WDPCP: variants seen among roughly 807,000 people sequenced by gnomAD.
WDPCP encodes WD repeat containing planar cell polarity effector.
In WDPCP, 71 loss-of-function variants were observed where a neutral mutation model predicts 93.1. The observed-to-expected ratio is 0.76, with a 90% confidence interval of 0.63 to 0.93. The LOEUF is 0.93. Among genes scored for constraint, WDPCP ranks in the 40% least tolerant of loss-of-function variants. The probability of loss-of-function intolerance (pLI) is 0.00; values close to 1 mark genes in which losing one functional copy is unlikely to be tolerated. For missense variants in WDPCP, 844 were observed against 887.4 expected, an observed-to-expected ratio of 0.95 and a Z score of 0.62; for synonymous variants, 315 against 315.0, an observed-to-expected ratio of 1.00 and a Z score of 0.00.
intron 2 of WDPCP, among the ~76,000 whole-genome samples, chr2:63,663,331 C>T (rs1001682492): frequency 6.6e-6 from 1 of 152,174 alleles, no homozygotes; most frequent in African/African-American, 2.4e-5. Context: ...TTCAATATCT[C>T]TGGTTCACAC....
At chr2:63,215,604 A>G (rs1411218167) in intron 14 of WDPCP, among the ~76,000 whole-genome samples, 2 of 152,224 alleles carry the variant, frequency 1.3e-5, no homozygotes, top group South Asian at 2.1e-4. Flanking sequence ...AACCATAAAA[A>G]CCCTAGAAGA....
At chr2:63,448,726 T>C (rs1456596013) in intron 6 of WDPCP, among the ~76,000 whole-genome samples, 1 of 152,190 alleles carries the variant, frequency 6.6e-6, no homozygotes, top group Non-Finnish European at 1.5e-5. Context: ...TGGATGAACC[T>C]GTGGGACATT....
At chr2:63,470,682 A>G (rs1024867492) in intron 6 of WDPCP, among the ~76,000 whole-genome samples, 4 of 152,194 alleles carry the variant, frequency 2.6e-5, no homozygotes, top group Non-Finnish European at 5.9e-5. Context: ...AAATTGAAAC[A>G]TATTTCTCCA....
At chr2:63,431,146 T>C (rs937596499) in intron 9 of WDPCP, among the ~76,000 whole-genome samples, 18 of 100,374 alleles carry the variant, frequency 1.8e-4, no homozygotes, top group African/African-American at 7.6e-4. Context: ...GTAAAAAAGA[T>C]GGCTTAAAAA....
intron 12 of WDPCP, among the ~76,000 whole-genome samples, chr2:63,328,048 G>A (rs1483281523): frequency 1.3e-5 from 2 of 152,224 alleles, no homozygotes; most frequent in African/African-American, 4.8e-5. Flanking sequence ...TGTTTAGAGA[G>A]GGGATTGAGA....
At chr2:63,297,869 A>C (rs1339585692) in intron 13 of WDPCP, among the ~76,000 whole-genome samples, 1 of 152,188 alleles carries the variant, frequency 6.6e-6, no homozygotes, top group Non-Finnish European at 1.5e-5. Flanking sequence ...CATTTTGCAA[A>C]GTAATGTGTC....
rs12617739 is a variant in WDPCP, at chr2:63,634,333, T to C, written n.488+16326A>G. On this transcript the variant is annotated intron_variant and non_coding_transcript_variant, in intron 3 of 4. Coordinates refer to the WDPCP transcript ENST00000467687. ...TCAATTCATCAAGAGGATATAACAA[T>C]TGTAAATATGCACCCAGTATTGGAA... Among the ~76,000 whole-genome samples, 1,470 of 152,244 alleles carry C rather than the reference T, an allele frequency of 9.7e-3. 28 individuals are homozygous for C. Among genetic ancestry groups the C allele is most frequent in the Admixed American group, 0.039 (595 of 15,292 alleles).
At chr2:63,681,419 G>A (rs1008256692) in intron 2 of WDPCP, among the ~76,000 whole-genome samples, 9 of 152,150 alleles carry the variant, frequency 5.9e-5, no homozygotes, top group Non-Finnish European at 1.2e-4. Flanking sequence ...CTCCCCATGG[G>A]CCTATGGTGG....
At chr2:63,679,440 C>T (rs1403290412) in intron 2 of WDPCP, among the ~76,000 whole-genome samples, 2 of 152,122 alleles carry the variant, frequency 1.3e-5, no homozygotes, top group Non-Finnish European at 2.9e-5. Flanking sequence ...GTACTCTATG[C>T]TGACAGTGGA....
At chr2:63,300,836 C>A (rs977038108) in intron 13 of WDPCP, among the ~76,000 whole-genome samples, 3 of 152,140 alleles carry the variant, frequency 2.0e-5, no homozygotes, top group African/African-American at 7.2e-5. Context: ...CAGGTCTCTG[C>A]CCTTGGTCTG....
intron 1 of WDPCP, among the ~76,000 whole-genome samples, chr2:63,493,868 G>A (rs1701044235): frequency 6.6e-6 from 1 of 152,028 alleles, no homozygotes. Flanking sequence ...GGAAAGAAAT[G>A]TTCTTTCCAG....
chr2:63,676,243 G>C (rs747295458), intron 2 of WDPCP, among the ~76,000 whole-genome samples: 1 of 152,188 alleles, frequency 6.6e-6, no homozygotes. Flanking sequence ...CGGGCATTTC[G>C]TCTCCATTTC....
At chr2:63,609,917 A>G (rs139856937) in intron 3 of WDPCP, among the ~76,000 whole-genome samples, 2 of 152,336 alleles carry the variant, frequency 1.3e-5, no homozygotes, top group East Asian at 3.9e-4. Context: ...TGTATATATG[A>G]AAGTTATTGG....
chr2:63,260,298 G>A (rs991953619), intron 13 of WDPCP, among the ~76,000 whole-genome samples: 20 of 152,098 alleles, frequency 1.3e-4, no homozygotes, highest in African/African-American at 3.9e-4. Flanking sequence ...TTTGCTACGC[G>A]GAATGATTGT....
intron 15 of WDPCP, among the ~76,000 whole-genome samples, chr2:63,168,338 T>C (rs1325335420): frequency 6.6e-6 from 1 of 152,038 alleles, no homozygotes; most frequent in Non-Finnish European, 1.5e-5. Flanking sequence ...ATGGTTACTA[T>C]TGGTTTCTTA....
chr2:63,325,275 TA>T lies in WDPCP; in HGVS notation c.1749-11965del, dbSNP rs201692486. ...ATCAGTGTGGTTTACAAGGACACTT[TA>T]AAAAAGATTGCCCAATGAGAAACAA... On this transcript the variant is annotated intron_variant, in intron 12 of 17. Coordinates refer to ENST00000272321, the MANE Select transcript of WDPCP (RefSeq NM_015910.7). 9.6e-3 allele frequency among the ~76,000 whole-genome samples: 1,463 copies of T among 152,214 alleles called. 30 individuals are homozygous for T. Among genetic ancestry groups the T allele is most frequent in the African/African-American group, 0.033 (1,371 of 41,520 alleles).
chr2:63,481,464 C>T (rs1423296512), intron 6 of WDPCP, among the ~76,000 whole-genome samples: 12 of 151,922 alleles, frequency 7.9e-5, no homozygotes, highest in African/African-American at 1.9e-4. Context: ...CAGCACAATT[C>T]GCAATTGCAA....
intron 2 of WDPCP, among the ~76,000 whole-genome samples, chr2:63,807,712 A>G (rs1670790227): frequency 6.6e-6 from 1 of 152,206 alleles, no homozygotes; most frequent in Non-Finnish European, 1.5e-5. Flanking sequence ...TCAAAATCTT[A>G]TCACAACAAT....
At chr2:63,605,993 G>T (rs372445349) in intron 3 of WDPCP, 1 of 1,614,144 alleles carries the variant, frequency 6.2e-7, no homozygotes, top group Non-Finnish European at 8.5e-7. Flanking sequence ...TGGTGTTCCT[G>T]ATGATCTGCT....
Sources: gnomAD v4.1 joint callset for allele counts (sites outside exome capture counted in the v4.1 genomes callset) on GRCh38, gnomAD v4.1.1 for gene constraint, MANE v1.5 for transcripts, NCBI Gene and HGNC (gene_info 2026-07-23, HGNC 2026-07-21) for gene names.